Variants in TTC7A observed in about 807,000 individuals in gnomAD.
TTC7A encodes the protein tetratricopeptide repeat domain 7A.
A neutral mutation model predicts 103.7 loss-of-function variants in TTC7A; 110 were observed. The ratio of observed to expected loss-of-function variants is 1.06; its 90% CI spans 0.91 to 1.24. TTC7A has a LOEUF of 1.24. Among genes scored for constraint, TTC7A ranks in the 50% most tolerant of loss-of-function variants. The pLI is 0.00. For synonymous variants in TTC7A, 521 were observed against 467.9 expected (o/e 1.11, Z -1.47); for missense variants, 1,340 against 1,116.3 (o/e 1.20, Z -2.86).
At chr2:47,004,105 T>C (rs1442495979) in intron 8 of TTC7A, among the ~76,000 whole-genome samples, 2 of 152,232 alleles carry the variant, frequency 1.3e-5, no homozygotes, top group African/African-American at 4.8e-5. Context: ...TTCCACAGGC[T>C]GACTCCAGAG....
Position 46,941,278 on chromosome 2 carries a change from G to C in TTC7A, c.-264G>C, listed in dbSNP as rs1232748914. 4.3e-5 allele frequency: 7 copies of C among 164,100 alleles called. No homozygotes were observed. The highest frequency in any genetic ancestry group is 7.2e-5 in the African/African-American group (3 of 41,596). 10.2% of individuals were successfully genotyped at this position (164,100 alleles called of 1,614,324 possible). On this transcript the variant is annotated 5_prime_UTR_variant, in exon 1 of 20. Transcript: ENST00000319190. The surrounding 1 kb of genome is among the most constrained non-coding windows in gnomAD (Gnocchi z 4.2). ...GGCAGCGCCAGGAGCTGCTACAGCAGAGGCGGAGGTTGCTCCTGTACGCGT... is the reference window on the plus strand; with the variant it reads ...GGCAGCGCCAGGAGCTGCTACAGCACAGGCGGAGGTTGCTCCTGTACGCGT...
intron 1 of TTC7A, among the ~76,000 whole-genome samples, chr2:46,947,388 G>C (rs1373438496): frequency 6.6e-6 from 1 of 152,300 alleles, no homozygotes; most frequent in South Asian, 2.1e-4. Context: ...ATGGTTTAGA[G>C]ATATGTGGTG....
At chr2:46,981,693 G>C (rs1674481558) in intron 5 of TTC7A, among the ~76,000 whole-genome samples, 1 of 152,224 alleles carries the variant, frequency 6.6e-6, no homozygotes, top group South Asian at 2.1e-4. Context: ...GTATGGAGTG[G>C]GTCTCCAGGT....
rs1677568319 is a variant in TTC7A at position 47,007,691 on chromosome 2, G to A, written c.1287+967G>A. Reference sequence around the variant, plus strand: ...AGGCAGGCCAGGCCCTGGCAGGGAGGGGGAAGAGGAGCAGGTGCTGCAGCC... The same window carrying A: ...AGGCAGGCCAGGCCCTGGCAGGGAGAGGGAAGAGGAGCAGGTGCTGCAGCC... On this transcript the variant is annotated intron_variant, in intron 10 of 19. Transcript: ENST00000319190. The surrounding 1 kb of genome is among the most constrained non-coding windows in gnomAD (Gnocchi z 4.9). 6.6e-6 allele frequency among the ~76,000 whole-genome samples: 1 copy of A among 152,182 alleles called. No homozygotes were observed. The highest frequency in any genetic ancestry group is 2.4e-5 in the African/African-American group (1 of 41,442).
chr2:46,973,838 A>C (rs1673595124), intron 3 of TTC7A, among the ~76,000 whole-genome samples: 1 of 152,172 alleles, frequency 6.6e-6, no homozygotes, highest in Admixed American at 6.5e-5. Context: ...GCTTCTTCAG[A>C]GGTCACTTTC....
rs1229758943 is a variant in TTC7A at position 46,980,890 on chromosome 2, G to A, written c.764+1983G>A. Reference sequence around the variant, plus strand: ...AGTTTACTTGCTAGATGACTGGTGTGCAGTACCACGTAAAATGGTACAGCC... The same window carrying A: ...AGTTTACTTGCTAGATGACTGGTGTACAGTACCACGTAAAATGGTACAGCC... On this transcript the variant is annotated intron_variant, in intron 5 of 19. Coordinates refer to ENST00000319190, the MANE Select transcript of TTC7A (RefSeq NM_020458.4). 3.3e-5 allele frequency among the ~76,000 whole-genome samples: 5 copies of A among 152,214 alleles called. No individual in the cohort carries two copies. In the South Asian group the frequency reaches 1.0e-3, roughly 32 times the overall value.
intron 5 of TTC7A, among the ~76,000 whole-genome samples, chr2:46,979,346 T>A (rs1674203726): frequency 6.6e-6 from 1 of 152,224 alleles, no homozygotes; most frequent in Non-Finnish European, 1.5e-5. Flanking sequence ...GGCAGATTCC[T>A]GTTCATTCCG....
At chr2:46,917,379 AT>A in intron 2 of TTC7A, 1 of 586,346 alleles carries the variant, frequency 1.7e-6, no homozygotes, top group Non-Finnish European at 3.0e-6. Flanking sequence ...GATTAGTTTG[AT>A]CTAGTTCCTC....
intron 2 of TTC7A, among the ~76,000 whole-genome samples, chr2:46,927,731 C>G (rs932729278): frequency 1.3e-5 from 2 of 151,934 alleles, no homozygotes. Flanking sequence ...AGCCAGAAAA[C>G]AGTATATCTT....
At chr2:46,937,772 A>AAT (rs1486083043), upstream of TTC7A, among the ~76,000 whole-genome samples, 2 of 152,214 alleles carry the variant, frequency 1.3e-5, no homozygotes, top group Non-Finnish European at 2.9e-5. This position sits in a 1 kb window ranked among gnomAD's most constrained non-coding sequence, Gnocchi z 4.0. Context: ...ATTGCATAGG[A>AAT]AGCTGAAGGG....
At chr2:47,013,648 C>G (rs559549206) in intron 11 of TTC7A, among the ~76,000 whole-genome samples, 13 of 152,316 alleles carry the variant, frequency 8.5e-5, no homozygotes, top group African/African-American at 2.9e-4. Context: ...GGAGCTGTTT[C>G]CCTCAGCAGC....
Position 46,995,828 on chromosome 2 carries a change from C to T in TTC7A, c.1065+629C>T, listed in dbSNP as rs185249898. ...AAACAAAATGGAGAAAAGTCCTTTC[C>T]CTCGTGGAGCTTACATTCTAGTAAA... is the stretch of plus-strand genomic sequence containing the variant. On this transcript the variant is annotated intron_variant, in intron 8 of 19. Coordinates refer to ENST00000319190, the MANE Select transcript of TTC7A (RefSeq NM_020458.4). 2.2e-4 allele frequency among the ~76,000 whole-genome samples: 34 copies of T among 152,328 alleles called. No individual in the cohort carries two copies. In the East Asian group the frequency reaches 4.0e-3, roughly 18 times the overall value.
intron 19 of TTC7A, among the ~76,000 whole-genome samples, chr2:47,069,536 G>A (rs1464860654): frequency 1.3e-5 from 2 of 152,260 alleles, no homozygotes; most frequent in East Asian, 3.9e-4. Context: ...ACTGGGTGGG[G>A]CTGGAAGGGT....
At chr2:47,029,569 T>C (rs1212084198) in intron 15 of TTC7A, among the ~76,000 whole-genome samples, 185 bp downstream of exon 15, 1 of 152,212 alleles carries the variant, frequency 6.6e-6, no homozygotes, top group Non-Finnish European at 1.5e-5. Flanking sequence ...TGTGGTGCTC[T>C]GCACCAGGAG....
rs903446749 is a variant in TTC7A, at chr2:46,942,602, G to T, written c.184+877G>T. On this transcript the variant is annotated intron_variant, in intron 1 of 19. Coordinates refer to ENST00000319190, the MANE Select transcript of TTC7A (RefSeq NM_020458.4). ...TCCTGTGTGCCAGACACTGTCCTGA[G>T]CACTTTAATCAACCCCGTGAAGCAG... Among the ~76,000 whole-genome samples the T allele has an allele frequency of 3.9e-5, 6 of 152,138 alleles. No homozygotes were observed. The East Asian group carries it at 1.2e-3, about 29-fold the overall frequency.
At position 46,974,994 on chromosome 2, in the gene TTC7A, C is replaced by T; in HGVS notation, c.539C>T (p.Pro180Leu). 6.2e-7 allele frequency: 1 copy of T among 1,613,970 alleles called. No homozygotes were observed. The highest frequency in any genetic ancestry group is 8.5e-7 in the Non-Finnish European group (1 of 1,179,908). Residue 180 changes from proline (P) to leucine (L), a missense_variant, in exon 4 of 20, where the codon CCC (proline) becomes CTC (leucine). Physicochemically the swap from Pro to Leu is moderately conservative, Grantham distance 98 (BLOSUM62 -3). Transcript: ENST00000319190. The part of the protein sequence containing the change: ...VIKGLSLERL[P>L]NSIASRFRLT... ...GCAGGCCTCTCTCTGGAACGCCTAC[C>T]CAACTCCATCGCCTCCCGCTTCCGC...
chr2:47,058,893 C>G (rs1363504657), intron 18 of TTC7A, among the ~76,000 whole-genome samples: 1 of 151,976 alleles, frequency 6.6e-6, no homozygotes, highest in Non-Finnish European at 1.5e-5. Flanking sequence ...TGCCTGCTGG[C>G]CCAAAGGGGT....
chr2:46,959,861 T>G (rs1004977076), intron 3 of TTC7A, among the ~76,000 whole-genome samples: 1 of 152,182 alleles, frequency 6.6e-6, no homozygotes, highest in Non-Finnish European at 1.5e-5. Context: ...ACATGCGTAT[T>G]TGTGTATATA....
At chr2:46,938,837 C>T (rs976913085), upstream of TTC7A, among the ~76,000 whole-genome samples, 1 of 151,364 alleles carries the variant, frequency 6.6e-6, no homozygotes, top group Non-Finnish European at 1.5e-5. Context: ...CATAGTGAAA[C>T]CCGTCTCTAC....
Sources: allele counts gnomAD v4.1 joint callset (sites outside exome capture counted in the v4.1 genomes callset), GRCh38; gene constraint gnomAD v4.1.1; non-coding constraint Gnocchi (gnomAD v3.1); transcripts MANE v1.5; gene names NCBI Gene and HGNC (gene_info 2026-07-23, HGNC 2026-07-21).